The following SCFD2 variants were observed in gnomAD, a reference collection of about 807,000 sequenced individuals.
The protein encoded by SCFD2 is sec1 family domain-containing protein 2.
SCFD2 carries 54 observed loss-of-function variants against 58.9 expected under a neutral mutation model. The observed-to-expected ratio is 0.92, with a 90% CI of 0.74 to 1.15. SCFD2 has a LOEUF of 1.15. Among genes scored for constraint, SCFD2 ranks in the 50% most tolerant of loss-of-function variants. The pLI is 0.00. For synonymous variants in SCFD2, 321 were observed against 335.9 expected, an observed-to-expected ratio of 0.96 and a Z score of 0.49; for missense variants, 805 against 836.6, an observed-to-expected ratio of 0.96 and a Z score of 0.47.
At chr4:53,230,425 T>C (rs1316187067) in intron 4 of SCFD2, among the ~76,000 whole-genome samples, 2 of 152,240 alleles carry the variant, frequency 1.3e-5, no homozygotes, top group East Asian at 1.9e-4. Flanking sequence ...ATATACACCA[T>C]GGAATACTAT....
At chr4:53,221,037 G>A (rs1729032594) in intron 4 of SCFD2, among the ~76,000 whole-genome samples, 1 of 152,202 alleles carries the variant, frequency 6.6e-6, no homozygotes, top group African/African-American at 2.4e-5. Context: ...ATAAGCAGCA[G>A]AGTAGCAGGA....
intron 5 of SCFD2, among the ~76,000 whole-genome samples, chr4:52,951,543 G>A (rs1039840323): frequency 4.6e-5 from 7 of 152,174 alleles, no homozygotes; most frequent in Admixed American, 4.6e-4. Context: ...AATTTGGGGG[G>A]ATGTGTTGTG....
At chr4:53,003,062 C>T (rs1157781251) in intron 5 of SCFD2, among the ~76,000 whole-genome samples, 1 of 152,166 alleles carries the variant, frequency 6.6e-6, no homozygotes, top group African/African-American at 2.4e-5. Context: ...AAGAACTCTG[C>T]CCCCATGATC....
intron 3 of SCFD2, among the ~76,000 whole-genome samples, chr4:53,275,259 A>G (rs1731293648): frequency 6.6e-6 from 1 of 152,346 alleles, no homozygotes; most frequent in South Asian, 2.1e-4. Context: ...AGCCTACAAC[A>G]TATCTTTCTA....
chr4:53,234,745 A>AGCG (rs1314309168), intron 4 of SCFD2, among the ~76,000 whole-genome samples: 1 of 152,202 alleles, frequency 6.6e-6, no homozygotes, highest in Non-Finnish European at 1.5e-5. Context: ...TCACTTCCTT[A>AGCG]GCAGGTCATA....
At chr4:53,236,348 T>C (rs1051450334) in intron 4 of SCFD2, among the ~76,000 whole-genome samples, 9 of 151,834 alleles carry the variant, frequency 5.9e-5, no homozygotes, top group African/African-American at 1.7e-4. Context: ...GACCTTGTGA[T>C]TGTGTAAGTT....
chr4:53,051,933 A>G (rs1323731260), intron 5 of SCFD2, among the ~76,000 whole-genome samples: 1 of 152,182 alleles, frequency 6.6e-6, no homozygotes, highest in Non-Finnish European at 1.5e-5. Flanking sequence ...ATTAAAGAAT[A>G]ATGACTGGTC....
intron 3 of SCFD2, among the ~76,000 whole-genome samples, chr4:53,282,409 T>C (rs2149077995): frequency 6.6e-6 from 1 of 152,282 alleles, no homozygotes; most frequent in East Asian, 1.9e-4. Flanking sequence ...TTTCAACTAT[T>C]GTCTGAAGTT....
At chr4:52,969,980 A>T (rs1315202574) in intron 5 of SCFD2, among the ~76,000 whole-genome samples, 1 of 152,204 alleles carries the variant, frequency 6.6e-6, no homozygotes, top group East Asian at 1.9e-4. Flanking sequence ...TTTCACTTAT[A>T]AAAATGTTTA....
intron 5 of SCFD2, among the ~76,000 whole-genome samples, chr4:53,087,624 T>G (rs1365357666): frequency 6.6e-6 from 1 of 151,742 alleles, no homozygotes; most frequent in Admixed American, 6.6e-5. Context: ...TGAGCCACTG[T>G]GCCTGGCCAA....
chr4:53,226,303 T>C (rs936742568), intron 4 of SCFD2, among the ~76,000 whole-genome samples: 1 of 152,064 alleles, frequency 6.6e-6, no homozygotes, highest in Non-Finnish European at 1.5e-5. Context: ...ATTATTTTTA[T>C]GGGGGGGAGG....
chr4:53,352,715 A>C lies in SCFD2; in HGVS notation c.890T>G (p.Leu297Arg). 6.2e-7 allele frequency: 1 copy of C among 1,614,144 alleles called. No individual in the cohort carries two copies. The highest frequency in any genetic ancestry group is 8.5e-7 in the Non-Finnish European group (1 of 1,180,002). ...DNLVEKIISA[L>R]PQLPGHTNDV... ...ATTTGTGTGGCCTGGGAGCTGGGGA[A>C]GTGCTGAAATGATCTTCTCTACTAA... is the stretch of plus-strand genomic sequence containing the variant. The change falls in exon 2 of 9, where the codon CTT (leucine) becomes CGT (arginine). Residue 297 changes from leucine (L) to arginine (R), a missense_variant. Leu to Arg is a moderately radical substitution (Grantham distance 102). This residue lies in a region of SCFD2 where 633 missense variants were observed against 646.8 expected (regional missense o/e 0.98). Coordinates refer to ENST00000401642, the MANE Select transcript of SCFD2 (RefSeq NM_152540.4).
intron 5 of SCFD2, among the ~76,000 whole-genome samples, chr4:53,079,271 C>CA (rs1439363242): frequency 6.6e-6 from 1 of 152,186 alleles, no homozygotes; most frequent in African/African-American, 2.4e-5. Flanking sequence ...CCAGCTCAAG[C>CA]AGACAGTTAT....
At position 53,363,118 on chromosome 4, in the gene SCFD2, GC is replaced by G. The variant is rs1242794106; in HGVS notation, c.838+1985del. On this transcript the variant is annotated intron_variant, in intron 1 of 8. Transcript: ENST00000401642. ...TTGTCTTTCTATGTGTCTTTATTTTGCAAATCATTCTTTTTTTCTTTTTTTT... is the reference window on the plus strand; with the variant it reads ...TTGTCTTTCTATGTGTCTTTATTTTGAAATCATTCTTTTTTTCTTTTTTTT... 6.6e-5 allele frequency among the ~76,000 whole-genome samples: 10 copies of G among 151,680 alleles called. No homozygotes were observed. The South Asian group carries it at 1.9e-3, about 28-fold the overall frequency.
intron 4 of SCFD2, among the ~76,000 whole-genome samples, chr4:53,230,454 G>C (rs572692363): frequency 9.9e-5 from 15 of 152,258 alleles, no homozygotes; most frequent in African/African-American, 3.6e-4. Context: ...AAAAAAGGAT[G>C]AGTTCATGTT....
chr4:53,351,938 G>C (rs1019826018), intron 2 of SCFD2, among the ~76,000 whole-genome samples: 36 of 152,052 alleles, frequency 2.4e-4, no homozygotes, highest in Non-Finnish European at 1.6e-4. Flanking sequence ...ATAAAAAACA[G>C]ATACACTTAC....
At chr4:52,995,561 T>TG (rs780223621) in intron 5 of SCFD2, among the ~76,000 whole-genome samples, 4 of 152,232 alleles carry the variant, frequency 2.6e-5, no homozygotes, top group Non-Finnish European at 5.9e-5. Flanking sequence ...GCATCATGCC[T>TG]GGTCTGGGTA....
intron 4 of SCFD2, among the ~76,000 whole-genome samples, chr4:53,173,875 A>G (rs1171242159): frequency 6.6e-6 from 1 of 152,204 alleles, no homozygotes. Context: ...TACCATATAG[A>G]CATACACACA....
At chr4:53,028,582 A>AGAGTGCTTCTTATTCAATAGAGATG (rs1722539048) in intron 5 of SCFD2, among the ~76,000 whole-genome samples, 2 of 152,182 alleles carry the variant, frequency 1.3e-5, no homozygotes, top group Non-Finnish European at 2.9e-5. Context: ...CTTATTCAAT[A>AGAGTGCTTCTTATTCAATAGAGATG]GAGTGCTTCT....
Sources: gnomAD v4.1 joint callset for allele counts (sites outside exome capture counted in the v4.1 genomes callset) on GRCh38, gnomAD v4.1.1 for gene constraint, gnomAD v4.1.1 regional missense constraint, MANE v1.5 for transcripts, NCBI Gene and HGNC (gene_info 2026-07-23, HGNC 2026-07-21) for gene names.